The following CAMK2G variants were observed in gnomAD, a reference collection of about 807,000 sequenced individuals.
CAMK2G encodes the protein calcium/calmodulin dependent protein kinase II gamma.
CAMK2G carries 23 observed loss-of-function variants against 88.7 expected under a neutral mutation model. The observed-to-expected ratio is 0.26, with a 90% CI of 0.19 to 0.37. The LOEUF (loss-of-function observed/expected upper bound fraction) is 0.37, where lower values mean the gene tolerates loss of function less well. CAMK2G is among the 10% of genes least tolerant of loss of function. The pLI is 1.00. For missense variants in CAMK2G, 476 were observed against 780.8 expected (o/e 0.61, Z 4.65); for synonymous variants, 263 against 294.8 (o/e 0.89, Z 1.11).
At chr10:73,873,277 AG>A in intron 1 of CAMK2G, 194 bp from the exon 2 acceptor site, 1 of 1,189,776 alleles carries the variant, frequency 8.4e-7, no homozygotes, top group African/African-American at 1.5e-5. Context: ...GACACTGAAC[AG>A]ATGTGGGTGG....
intron 18 of CAMK2G, among the ~76,000 whole-genome samples, chr10:73,820,493 T>TATATATATATATATATATA (rs1491202927): frequency 6.4e-5 from 2 of 31,264 alleles, no homozygotes; most frequent in South Asian, 1.4e-3. Context: ...TATATATATA[T>TATATATATATATATATATA]TTTTTTTTTT....
At chr10:73,866,507 C>G in intron 2 of CAMK2G, among the ~76,000 whole-genome samples, 1 of 152,158 alleles carries the variant, frequency 6.6e-6, no homozygotes, top group East Asian at 1.9e-4. Flanking sequence ...CAAATAAGAT[C>G]CTGCTGCCAC....
intron 14 of CAMK2G, among the ~76,000 whole-genome samples, chr10:73,834,076 G>A (rs12783086): frequency 9.7e-4 from 147 of 151,650 alleles, no homozygotes; most frequent in East Asian, 1.7e-3. Context: ...CTGCCACCAC[G>A]CCCGGCTAAT....
chr10:73,833,909 GTTTTTTTTT>G (rs778838628), intron 14 of CAMK2G, among the ~76,000 whole-genome samples: 5 of 63,418 alleles, frequency 7.9e-5, no homozygotes, highest in African/African-American at 1.6e-4. Flanking sequence ...TATCTACTGG[GTTTTTTTTT>G]TTTTTTTTTT....
At chr10:73,874,264 C>T in intron 1 of CAMK2G, 133 bp downstream of exon 1, 1 of 333,030 alleles carries the variant, frequency 3.0e-6, no homozygotes, top group Non-Finnish European at 4.2e-6. Context: ...CCGAAGGCGG[C>T]GGGCGGGAAA....
At chr10:73,844,233 C>T (rs1366411235) in intron 10 of CAMK2G, among the ~76,000 whole-genome samples, 2 of 150,626 alleles carry the variant, frequency 1.3e-5, no homozygotes, top group East Asian at 2.0e-4. Context: ...AGCTAAGGCA[C>T]GTTACCACAA....
intron 21 of CAMK2G, 45 bp downstream of exon 21, chr10:73,816,978 G>A (rs762186648): frequency 3.1e-6 from 5 of 1,613,982 alleles, no homozygotes; most frequent in Non-Finnish European, 4.2e-6. Context: ...AGACAAAGGG[G>A]TAAAGGGGCA....
chr10:73,866,083 G>C (rs188544818), intron 2 of CAMK2G, among the ~76,000 whole-genome samples: 101 of 152,242 alleles, frequency 6.6e-4, no homozygotes, highest in African/African-American at 2.4e-3. Flanking sequence ...TTCCCCAGCA[G>C]CCTGCCTAGA....
chr10:73,824,057 C>A lies in CAMK2G; in HGVS notation c.1183G>T (p.Ala395Ser), dbSNP rs775379645. 1 of 1,613,408 alleles carries A rather than the reference C, an allele frequency of 6.2e-7. No homozygotes were observed. ...MEPQTTVVHNATDGIKGSTES... is the reference protein window; with the variant it reads ...MEPQTTVVHNSTDGIKGSTES... ...CCACTCACCTTGATCCCATCTGTAG[C>A]GTTGTGTACCACAGTGGTTTGTGGC... The change falls in exon 17 of 23, where the codon GCT (alanine) becomes TCT (serine). Residue 395 changes from alanine to serine, a missense_variant. Physicochemically the swap from Ala to Ser is moderately conservative, Grantham distance 99. Coordinates refer to ENST00000423381, the MANE Select transcript of CAMK2G (RefSeq NM_001367534.1).
intron 19 of CAMK2G, chr10:73,817,864 T>C (rs2086243174): frequency 4.7e-6 from 2 of 428,220 alleles, no homozygotes; most frequent in East Asian, 3.9e-5. Context: ...AGGAGCCTGG[T>C]ACATCGTGAA....
chr10:73,821,954 G>C (rs528296361), intron 17 of CAMK2G, among the ~76,000 whole-genome samples: 1 of 152,316 alleles, frequency 6.6e-6, no homozygotes, highest in Non-Finnish European at 1.5e-5. Context: ...AAAACCTGGA[G>C]TCATCCTCAA....
At chr10:73,823,429 TG>T (rs371310420) in intron 17 of CAMK2G, among the ~76,000 whole-genome samples, 1 of 152,218 alleles carries the variant, frequency 6.6e-6, no homozygotes, top group African/African-American at 2.4e-5. Context: ...TTGCCCAAGG[TG>T]GTCTCTAACT....
chr10:73,826,067 G>A (rs748728103), intron 15 of CAMK2G, among the ~76,000 whole-genome samples: 12 of 152,194 alleles, frequency 7.9e-5, no homozygotes, highest in Non-Finnish European at 1.5e-4. Context: ...CCCCAGGACA[G>A]AGTAGGCCAC....
intron 13 of CAMK2G, among the ~76,000 whole-genome samples, chr10:73,838,549 C>G (rs1333762893): frequency 6.6e-6 from 1 of 152,214 alleles, no homozygotes; most frequent in Admixed American, 6.5e-5. Context: ...ATCGTTGTCA[C>G]TATTGCTGCC....
At chr10:73,873,777 G>A (rs1324441710) in intron 1 of CAMK2G, among the ~76,000 whole-genome samples, 13 of 137,118 alleles carry the variant, frequency 9.5e-5, no homozygotes, top group Admixed American at 4.2e-4. Flanking sequence ...GCCGCGGGTG[G>A]GGGTGGGGGG....
In CAMK2G at chr10:73,848,147, C is replaced by A. The variant is rs755976923; in HGVS notation, c.602-65G>T. 3.0e-6 allele frequency: 3 copies of A among 990,292 alleles called. No homozygotes were observed. Among genetic ancestry groups the A allele is most frequent in the Non-Finnish European group, 4.9e-6 (3 of 615,650 alleles). The allele number at this position is 990,292 out of a possible 1,614,324, so 61.3% of individuals were successfully genotyped here. On this transcript the variant is annotated intron_variant, in intron 8 of 22. Coordinates refer to ENST00000423381, the MANE Select transcript of CAMK2G (RefSeq NM_001367534.1). This position sits in a 1 kb window ranked among gnomAD's most constrained non-coding sequence, Gnocchi z 4.5. ...TACTTCCCTGAGGAACCAAGAAAAACCATGCAGGGCTCAGAGCCACCTAGA... is the reference window on the plus strand; with the variant it reads ...TACTTCCCTGAGGAACCAAGAAAAAACATGCAGGGCTCAGAGCCACCTAGA...
chr10:73,850,904 G>A (rs2094566422), intron 5 of CAMK2G, among the ~76,000 whole-genome samples: 1 of 152,174 alleles, frequency 6.6e-6, no homozygotes, highest in Non-Finnish European at 1.5e-5. Flanking sequence ...AGCAGGGAGC[G>A]CCTTCTGGCC....
At chr10:73,833,267 A>G (rs930005642) in intron 14 of CAMK2G, among the ~76,000 whole-genome samples, 6 of 151,894 alleles carry the variant, frequency 4.0e-5, no homozygotes, top group Admixed American at 1.3e-4. Flanking sequence ...CCAGCCTCCA[A>G]TCTTTCCACA....
chr10:73,850,667 C>G (rs1485198884), intron 5 of CAMK2G, among the ~76,000 whole-genome samples: 1 of 152,234 alleles, frequency 6.6e-6, no homozygotes, highest in Non-Finnish European at 1.5e-5. Context: ...GTATATTAAG[C>G]ACATCTGCAG....
Sources: allele counts gnomAD v4.1 joint callset (sites outside exome capture counted in the v4.1 genomes callset), GRCh38; gene constraint gnomAD v4.1.1; non-coding constraint Gnocchi (gnomAD v3.1); transcripts MANE v1.5; gene names NCBI Gene and HGNC (gene_info 2026-07-23, HGNC 2026-07-21).